CAST: variants seen among roughly 807,000 people sequenced by gnomAD.
The protein encoded by CAST is MIR583 host.
CAST carries 76 observed loss-of-function variants against 119.6 expected under a neutral mutation model. That is an observed-to-expected ratio of 0.64 (90% CI 0.53 to 0.77). CAST has a LOEUF of 0.77. Ranked by LOEUF, CAST falls within the 30% of genes least tolerant of loss-of-function variation. The pLI is 0.00. For synonymous variants in CAST, 319 were observed against 331.6 expected, an observed-to-expected ratio of 0.96 and a Z score of 0.41; for missense variants, 953 against 946.5, an observed-to-expected ratio of 1.01 and a Z score of -0.09.
intron 1 of CAST, among the ~76,000 whole-genome samples, chr5:96,577,633 TTG>T (rs1452794834): frequency 2.0e-5 from 3 of 152,204 alleles, no homozygotes; most frequent in Non-Finnish European, 4.4e-5. Context: ...GACTCCCTGT[TTG>T]ACGTATGAAA....
chr5:96,754,756 G>T lies in CAST; in HGVS notation c.1710+15G>T. 2.1e-6 allele frequency: 3 copies of T among 1,454,386 alleles called. No individual in the cohort carries two copies. Among genetic ancestry groups the T allele is most frequent in the Non-Finnish European group, 2.9e-6 (3 of 1,039,724 alleles). The allele number at this position is 1,454,386 out of a possible 1,614,324, so 90.1% of individuals were successfully genotyped here. A position where few individuals can be genotyped will look rare whatever the true frequency, so the allele number is the denominator to read the frequency against. ...AAGAGGTCAAGGTAAACAGGCTGGA[G>T]TCTTTTTCTATTTTATTTTAATTCA... is the stretch of plus-strand genomic sequence containing the variant. On this transcript the variant is annotated intron_variant, in intron 22 of 31. Coordinates refer to ENST00000675179, the MANE Select transcript of CAST (RefSeq NM_001750.7).
At chr5:96,008,262 G>A in the CAST span, among the ~76,000 whole-genome samples, 1 of 152,188 alleles carries the variant, frequency 6.6e-6, no homozygotes, top group Non-Finnish European at 1.5e-5. Flanking sequence ...TTGAGAATAT[G>A]GAGGTGAAAT....
the CAST span, among the ~76,000 whole-genome samples, chr5:96,080,423 A>G: frequency 2.6e-5 from 4 of 152,196 alleles, no homozygotes; most frequent in African/African-American, 9.6e-5. Flanking sequence ...ATTCATGCTC[A>G]TTTTGGCTTG....
At position 96,623,005 on chromosome 5, in the gene CAST, A is replaced by G. The variant is rs139306762; in HGVS notation, c.61-52534A>G. On this transcript the variant is annotated intron_variant, in intron 1 of 11. Coordinates refer to the CAST transcript ENST00000505143. Reference sequence around the variant, plus strand: ...CAGCCTCCTGAGTAGCTGGGACTACAGGTGCGCACCACCACACCTGGCTAA... The same window carrying G: ...CAGCCTCCTGAGTAGCTGGGACTACGGGTGCGCACCACCACACCTGGCTAA... 1.1e-3 allele frequency among the ~76,000 whole-genome samples: 171 copies of G among 151,818 alleles called. 4 individuals are homozygous for G. The East Asian group carries it at 0.018, about 16-fold the overall frequency.
At chr5:96,058,072 TA>T in the CAST span, among the ~76,000 whole-genome samples, 1 of 152,040 alleles carries the variant, frequency 6.6e-6, no homozygotes, top group Non-Finnish European at 1.5e-5. Context: ...GTGTGTGTTG[TA>T]GAGGTATGTG....
intron 1 of CAST, among the ~76,000 whole-genome samples, chr5:96,549,046 C>A (rs1273375883): frequency 6.6e-6 from 1 of 152,186 alleles, no homozygotes; most frequent in East Asian, 1.9e-4. Context: ...CTATGGTGAC[C>A]TTCCAGCACT....
the CAST span, among the ~76,000 whole-genome samples, chr5:96,230,543 C>G: frequency 2.6e-5 from 4 of 152,034 alleles, no homozygotes; most frequent in African/African-American, 7.3e-5. Context: ...AATAAAACTC[C>G]TAGAAGAAAA....
chr5:96,435,406 T>C, the CAST span, among the ~76,000 whole-genome samples: 1 of 152,228 alleles, frequency 6.6e-6, no homozygotes, highest in African/African-American at 2.4e-5. Context: ...TAATCTGCTA[T>C]TGTCTGATTT....
the CAST span, among the ~76,000 whole-genome samples, chr5:96,478,464 T>C: frequency 6.6e-6 from 1 of 152,246 alleles, no homozygotes; most frequent in Non-Finnish European, 1.5e-5. Flanking sequence ...TCCAGCCTCC[T>C]TGTCACACTC....
In CAST at chr5:96,662,461, GC is replaced by G. The variant is rs1440648385; in HGVS notation, c.43del (p.Arg15GlyfsTer70). ...PGQKPAASPRPRRAAAARRTH... is the reference protein window; with the variant it reads ...PGQKPAASPRXRRAAAARRTH... The stretch of plus-strand genomic sequence containing the variant: ...GCCAGAAGCCCGCCGCCTCCCCGCG[GC>G]CCCGGCGAGCAGCCGCCGCCCGCCG... On this transcript the variant is annotated frameshift_variant, in exon 1 of 32. Coordinates refer to ENST00000675179, the MANE Select transcript of CAST (RefSeq NM_001750.7). LOFTEE classifies it high-confidence loss of function. 2.1e-6 allele frequency: 3 copies of G among 1,434,918 alleles called. No homozygotes were observed. Among genetic ancestry groups the G allele is most frequent in the Non-Finnish European group, 2.7e-6 (3 of 1,098,688 alleles). The allele number at this position is 1,434,918 out of a possible 1,614,324, so 88.9% of individuals were successfully genotyped here. A position where few individuals can be genotyped will look rare whatever the true frequency, so the allele number is the denominator to read the frequency against.
At chr5:96,617,806 A>AAAC (rs1747498251) in intron 1 of CAST, among the ~76,000 whole-genome samples, 1 of 124,074 alleles carries the variant, frequency 8.1e-6, no homozygotes. Context: ...AAAAAAAAAA[A>AAAC]AAAAAAAAAA....
the CAST span, among the ~76,000 whole-genome samples, chr5:96,328,890 T>C: frequency 6.6e-6 from 1 of 152,206 alleles, no homozygotes; most frequent in Non-Finnish European, 1.5e-5. Flanking sequence ...AGATTCCCTT[T>C]CTCCTTAGCC....
chr5:96,729,113 G>C (rs1759928885), intron 6 of CAST, 40 bp from the exon 7 acceptor site: 4 of 1,186,492 alleles, frequency 3.4e-6, no homozygotes, highest in Non-Finnish European at 4.9e-6. Context: ...TTACAAGTTG[G>C]ATTCCAGTGT....
the CAST span, among the ~76,000 whole-genome samples, chr5:96,275,852 CT>C: frequency 6.6e-6 from 1 of 152,186 alleles, no homozygotes; most frequent in Non-Finnish European, 1.5e-5. Context: ...GCCTTAATTG[CT>C]TCTATCTAAC....
chr5:96,743,983 G>A (rs1011940902), intron 16 of CAST, among the ~76,000 whole-genome samples: 4 of 152,224 alleles, frequency 2.6e-5, no homozygotes, highest in South Asian at 2.1e-4. Flanking sequence ...CAATTAATGT[G>A]GGAAGGGAGG....
chr5:96,185,948 C>G, the CAST span, among the ~76,000 whole-genome samples: 1 of 151,948 alleles, frequency 6.6e-6, no homozygotes, highest in African/African-American at 2.4e-5. Flanking sequence ...AGCAGTATGG[C>G]CATTTTCAAC....
the CAST span, among the ~76,000 whole-genome samples, chr5:96,299,291 CA>C: frequency 4.0e-3 from 479 of 120,514 alleles, 3 homozygotes; most frequent in African/African-American, 0.018. Flanking sequence ...ACAACAACAA[CA>C]AACAAACAAA....
chr5:96,277,403 C>A, the CAST span, among the ~76,000 whole-genome samples: 1 of 151,808 alleles, frequency 6.6e-6, no homozygotes, highest in African/African-American at 2.4e-5. Context: ...TGTGTGATGA[C>A]TTCTACTTGT....
At chr5:96,610,184 A>C (rs912234315) in intron 1 of CAST, among the ~76,000 whole-genome samples, 1 of 152,174 alleles carries the variant, frequency 6.6e-6, no homozygotes, top group Non-Finnish European at 1.5e-5. Context: ...ACCATGTAAG[A>C]TGTGCCTTTG....
Sources: allele counts gnomAD v4.1 joint callset (sites outside exome capture counted in the v4.1 genomes callset), GRCh38; gene constraint gnomAD v4.1.1; transcripts MANE v1.5; gene names NCBI Gene and HGNC (gene_info 2026-07-23, HGNC 2026-07-21).